Variants in ALDH1A2 observed in about 807,000 individuals in gnomAD.
The protein encoded by ALDH1A2 is aldehyde dehydrogenase 1 family member A2, also known as retinal dehydrogenase 2.
ALDH1A2 carries 27 observed loss-of-function variants against 60.3 expected under a neutral mutation model. The ratio of observed to expected loss-of-function variants is 0.45; its 90% CI spans 0.33 to 0.62. ALDH1A2 has a LOEUF of 0.62. ALDH1A2 is among the 20% of genes least tolerant of loss of function. The probability of loss-of-function intolerance (pLI) is 0.02; values close to 1 mark genes in which losing one functional copy is unlikely to be tolerated. For synonymous variants in ALDH1A2, 289 were observed against 232.4 expected (o/e 1.24, Z -2.21); for missense variants, 581 against 643.8 (o/e 0.90, Z 1.06).
chr15:58,023,773 C>T (rs1231942417), intron 1 of ALDH1A2, among the ~76,000 whole-genome samples: 2 of 152,036 alleles, frequency 1.3e-5, no homozygotes, highest in African/African-American at 4.8e-5. Flanking sequence ...GAATTCATTA[C>T]CACTAGGACT....
intron 2 of ALDH1A2, 35 bp downstream of exon 2, chr15:58,014,142 T>A: frequency 6.2e-7 from 1 of 1,614,148 alleles, no homozygotes; most frequent in Non-Finnish European, 8.5e-7. Context: ...AAGGCAGTTA[T>A]TTCATAGGAA....
At chr15:57,999,412 G>A (rs1454981990) in intron 4 of ALDH1A2, among the ~76,000 whole-genome samples, 3 of 151,750 alleles carry the variant, frequency 2.0e-5, no homozygotes, top group Non-Finnish European at 4.4e-5. Context: ...AAAGAAGACA[G>A]TCACGCAGCC....
At chr15:58,050,244 AGTTTTAAAG>A (rs1196061919) in intron 1 of ALDH1A2, among the ~76,000 whole-genome samples, 1 of 152,098 alleles carries the variant, frequency 6.6e-6, no homozygotes, top group Non-Finnish European at 1.5e-5. Context: ...CCAGTGTACC[AGTTTTAAAG>A]AATTCCTTGG....
chr15:57,970,241 G>GAGTA (rs1459877075), intron 7 of ALDH1A2, among the ~76,000 whole-genome samples: 7 of 152,208 alleles, frequency 4.6e-5, no homozygotes, highest in African/African-American at 1.7e-4. Flanking sequence ...CCTTATGAAA[G>GAGTA]AGTAAGTGAT....
Position 57,963,946 on chromosome 15 carries a change from T to C in ALDH1A2, c.1025A>G (p.Glu342Gly), listed in dbSNP as rs1893812407. The C allele has an allele frequency of 6.2e-7, 1 of 1,614,122 alleles. No individual in the cohort carries two copies. Among genetic ancestry groups the C allele is most frequent in the Non-Finnish European group, 8.5e-7 (1 of 1,179,996 alleles). Residue 342 changes from glutamate (E) to glycine (G), a missense_variant, in exon 9 of 13, where the codon GAG becomes GGG. Coordinates refer to ENST00000249750, the MANE Select transcript of ALDH1A2 (RefSeq NM_003888.4). ...IYEEFVRRSV[E>G]RAKRRVVGSP... The stretch of plus-strand genomic sequence containing the variant: ...CCCCACTACGCGCCTCTTGGCCCGC[T>C]CCACGCTTCTTCTCACAAACTCCTC...
At chr15:57,996,541 T>A (rs1340155795) in intron 4 of ALDH1A2, among the ~76,000 whole-genome samples, 2 of 151,490 alleles carry the variant, frequency 1.3e-5, no homozygotes, top group Non-Finnish European at 3.0e-5. Context: ...GACGTCTTTT[T>A]AGTGGCTGCA....
chr15:57,955,351 C>T lies in ALDH1A2; in HGVS notation c.1485-82G>A, dbSNP rs1162946452. 4.9e-6 allele frequency: 7 copies of T among 1,419,742 alleles called. No individual in the cohort carries two copies. The East Asian group carries it at 6.8e-5, about 14-fold the overall frequency. 87.9% of individuals were successfully genotyped at this position (1,419,742 alleles called of 1,614,324 possible). ...GTGCAGCGGGAGTCCTGGGGAGGTG[C>T]AGTTTATCACCTGCGAACAGCAAGT... On this transcript the variant is annotated intron_variant, in intron 12 of 12. Transcript: ENST00000249750.
chr15:58,002,096 G>C (rs1210560807), intron 4 of ALDH1A2, among the ~76,000 whole-genome samples: 4 of 151,876 alleles, frequency 2.6e-5, no homozygotes, highest in African/African-American at 9.7e-5. Flanking sequence ...TTTCTGATGA[G>C]TTTTGATACC....
chr15:57,981,215 A>C (rs1025713898), intron 7 of ALDH1A2, among the ~76,000 whole-genome samples: 3 of 152,030 alleles, frequency 2.0e-5, no homozygotes, highest in African/African-American at 7.2e-5. Flanking sequence ...TTTACCAAAA[A>C]AGAAAAAGGA....
rs373291049 is a variant in ALDH1A2 at position 58,008,043 on chromosome 15, C to G, written c.493+2606G>C. Among the ~76,000 whole-genome samples, 12 of 152,132 alleles carry G rather than the reference C, an allele frequency of 7.9e-5. No homozygotes were observed. In the East Asian group the frequency reaches 9.7e-4, roughly 12 times the overall value. On this transcript the variant is annotated intron_variant, in intron 4 of 12. Coordinates refer to ENST00000249750, the MANE Select transcript of ALDH1A2 (RefSeq NM_003888.4). Reference sequence around the variant, plus strand: ...AATTCTAAGTGGCCTCTAGGCAAGCCCAAATGTATCTAAAACTGGAAAAGA... The same window carrying G: ...AATTCTAAGTGGCCTCTAGGCAAGCGCAAATGTATCTAAAACTGGAAAAGA...
intron 4 of ALDH1A2, among the ~76,000 whole-genome samples, chr15:58,007,660 C>G (rs1287363019): frequency 6.6e-6 from 1 of 151,948 alleles, no homozygotes; most frequent in African/African-American, 2.4e-5. Flanking sequence ...CTTTTAAATT[C>G]TATGCAAATA....
At chr15:57,986,430 G>C (rs1894701224) in intron 7 of ALDH1A2, among the ~76,000 whole-genome samples, 1 of 151,538 alleles carries the variant, frequency 6.6e-6, no homozygotes, top group Non-Finnish European at 1.5e-5. Context: ...TTCCAAAAGA[G>C]ACAAGCTGAA....
intron 1 of ALDH1A2, among the ~76,000 whole-genome samples, chr15:58,047,828 G>GA (rs1368958905): frequency 4.0e-5 from 6 of 151,686 alleles, no homozygotes; most frequent in African/African-American, 7.3e-5. Flanking sequence ...GCTAAAAAGT[G>GA]AAAAAAACAC....
chr15:58,060,398 T>A (rs1188081545), intron 1 of ALDH1A2, among the ~76,000 whole-genome samples: 4 of 151,826 alleles, frequency 2.6e-5, no homozygotes, highest in Non-Finnish European at 5.9e-5. Flanking sequence ...GATACTATTA[T>A]CTCAATGATG....
intron 1 of ALDH1A2, among the ~76,000 whole-genome samples, chr15:58,053,963 T>C (rs939899515): frequency 6.6e-6 from 1 of 152,306 alleles, no homozygotes; most frequent in Middle Eastern, 3.4e-3. Flanking sequence ...GGCTGTTATC[T>C]GGAATAGTAT....
Position 58,065,690 on chromosome 15 carries a change from G to A in ALDH1A2, c.-40C>T. The A allele has an allele frequency of 7.2e-7, 1 of 1,384,378 alleles. No homozygotes were observed. Among genetic ancestry groups the A allele is most frequent in the Non-Finnish European group, 9.7e-7 (1 of 1,027,080 alleles). 85.8% of individuals were successfully genotyped at this position (1,384,378 alleles called of 1,614,324 possible). ...TGTCCCTAGCCCGCGGCGTGGGGCA[G>A]TGCGGGCTGTGCGCGCGGTCCGCGG... On this transcript the variant is annotated 5_prime_UTR_variant, in exon 1 of 13. Transcript: ENST00000249750.
At chr15:58,041,419 T>C (rs1896515907) in intron 1 of ALDH1A2, among the ~76,000 whole-genome samples, 1 of 151,892 alleles carries the variant, frequency 6.6e-6, no homozygotes, top group Admixed American at 6.6e-5. Context: ...CTCCCTCGCT[T>C]AGTTCATTCA....
chr15:57,998,778 T>G (rs892036265), intron 4 of ALDH1A2, among the ~76,000 whole-genome samples: 5 of 152,118 alleles, frequency 3.3e-5, no homozygotes, highest in Admixed American at 3.3e-4. Flanking sequence ...GCTGGAGGCA[T>G]CATGCTACCT....
chr15:57,980,784 T>C (rs1188430157), intron 7 of ALDH1A2: 4 of 153,378 alleles, frequency 2.6e-5, no homozygotes, highest in African/African-American at 9.6e-5. Context: ...GGTATCAGGA[T>C]GATGCTGGCC....
Sources: allele counts gnomAD v4.1 joint callset (sites outside exome capture counted in the v4.1 genomes callset), GRCh38; gene constraint gnomAD v4.1.1; transcripts MANE v1.5; gene names NCBI Gene and HGNC (gene_info 2026-07-23, HGNC 2026-07-21).